Variants in KMT2D observed in about 807,000 individuals in gnomAD.
The protein encoded by KMT2D is lysine methyltransferase 2D.
A neutral mutation model predicts 512.7 loss-of-function variants in KMT2D; 55 were observed. The observed-to-expected ratio is 0.11, with a 90% CI of 0.09 to 0.13. The LOEUF is 0.13. Ranked by LOEUF, KMT2D falls within the 10% of genes least tolerant of loss-of-function variation. KMT2D has a pLI of 1.00. For missense variants in KMT2D, 6,061 were observed against 7,127.9 expected, an observed-to-expected ratio of 0.85 and a Z score of 5.39; for synonymous variants, 2,995 against 2,904.0, an observed-to-expected ratio of 1.03 and a Z score of -1.01.
At position 49,027,867 on chromosome 12, in the gene KMT2D, A is replaced by G. The variant is rs776481801; in HGVS notation, c.14579T>C (p.Phe4860Ser). 6.2e-7 allele frequency: 1 copy of G among 1,611,422 alleles called. No homozygotes were observed. The highest frequency in any genetic ancestry group is 1.7e-5 in the Admixed American group (1 of 59,624). The change falls in exon 48 of 55, where the codon TTT becomes TCT. Residue 4860 changes from phenylalanine (F) to serine (S), a missense_variant. Physicochemically the swap from Phe to Ser is radical, Grantham distance 155. This residue lies in a region of KMT2D where 1,600 missense variants were observed against 1,754.9 expected (regional missense o/e 0.91). Transcript: ENST00000301067. ...GGTATAGCCAGGCAACACTGCATCA[A>G]ACTGCTTCAGCCAATCAGGGCCAGT... is the stretch of plus-strand genomic sequence containing the variant. Reference protein sequence around the residue: ...PDTGPDWLKQFDAVLPGYTLK... With the variant: ...PDTGPDWLKQSDAVLPGYTLK...
chr12:49,042,189 A>C lies in KMT2D; in HGVS notation c.6009T>G (p.Leu2003=), dbSNP rs774416468. Residue 2003 remains leucine (L), a synonymous_variant, in exon 29 of 55, where the codon CTT becomes CTG. Transcript: ENST00000301067. The surrounding 1 kb of genome is among the most constrained non-coding windows in gnomAD (Gnocchi z 4.4). ...ACTCCTCATCCTTCTCCCAGCGCTGAAGACTCCGCTGGTTATAGGAGAGTC... is the reference window on the plus strand; with the variant it reads ...ACTCCTCATCCTTCTCCCAGCGCTGCAGACTCCGCTGGTTATAGGAGAGTC... ...GDGLSYNQRS[L]QRWEKDEELG... The C allele has an allele frequency of 4.3e-6, 7 of 1,610,806 alleles. No homozygotes were observed. The South Asian group carries it at 7.8e-5, about 18-fold the overall frequency.
rs2120523736 is a variant in KMT2D at position 49,040,191 on chromosome 12, A to G, written c.7579T>C (p.Phe2527Leu). ...CGCATGGGAGAGGGGGTGCCCACAA[A>G]TGCACCCGTCCCAGGGGACCGGACA... ...NFVRSPGTGA[F>L]VGTPSPMRFT... Residue 2527 changes from phenylalanine (F) to leucine (L), a missense_variant, in exon 32 of 55, where the codon TTT becomes CTT. Transcript: ENST00000301067. 1 of 1,613,524 alleles carries G rather than the reference A, an allele frequency of 6.2e-7. No homozygotes were observed. The highest frequency in any genetic ancestry group is 8.5e-7 in the Non-Finnish European group (1 of 1,179,720).
rs761231743 is a variant in KMT2D, at chr12:49,055,391, C to T, written c.-37-30G>A. On this transcript the variant is annotated intron_variant, in intron 1 of 54. Transcript: ENST00000301067. ...TGGTGCCAAGAAAGAGATCTATATG[C>T]CTACTAAGTCTTCCCAAGAAGCATT... 28 of 1,419,934 alleles carry T rather than the reference C, an allele frequency of 2.0e-5. No homozygotes were observed. The South Asian group carries it at 3.1e-4, about 15-fold the overall frequency. The allele number at this position is 1,419,934 out of a possible 1,614,324, so 88.0% of individuals were successfully genotyped here. A position where few individuals can be genotyped will look rare whatever the true frequency, so the allele number is the denominator to read the frequency against.
In KMT2D at chr12:49,024,459, G is replaced by A. The variant is rs1469402044; in HGVS notation, c.16052+119C>T. The A allele has an allele frequency of 5.2e-6, 7 of 1,334,372 alleles. No homozygotes were observed. The highest frequency in any genetic ancestry group is 1.5e-5 in the African/African-American group (1 of 67,724). The allele number at this position is 1,334,372 out of a possible 1,614,324, so 82.7% of individuals were successfully genotyped here. A position where few individuals can be genotyped will look rare whatever the true frequency, so the allele number is the denominator to read the frequency against. Reference sequence around the variant, plus strand: ...TGCCCTCTAATTAGGAAGTCTAAGAGTGATTCCCCATTTTCTCCACGGGAA... The same window carrying A: ...TGCCCTCTAATTAGGAAGTCTAAGAATGATTCCCCATTTTCTCCACGGGAA... On this transcript the variant is annotated intron_variant, in intron 51 of 54. Coordinates refer to ENST00000301067, the MANE Select transcript of KMT2D (RefSeq NM_003482.4). The surrounding 1 kb of genome is among the most constrained non-coding windows in gnomAD (Gnocchi z 4.5).
In KMT2D at chr12:49,019,108, A is replaced by T; in HGVS notation, c.*2672T>A. 2 of 1,183,584 alleles carry T rather than the reference A, an allele frequency of 1.7e-6. No individual in the cohort carries two copies. The highest frequency in any genetic ancestry group is 2.5e-5 in the South Asian group (1 of 39,740). 73.3% of individuals were successfully genotyped at this position (1,183,584 alleles called of 1,614,324 possible). Reference sequence around the variant, plus strand: ...AATGATCGCTGATACAAAACATGCCAAGGACAGGGGCGCTGAGGGTGGAGG... The same window carrying T: ...AATGATCGCTGATACAAAACATGCCTAGGACAGGGGCGCTGAGGGTGGAGG... On this transcript the variant is annotated 3_prime_UTR_variant, in exon 55 of 55. Transcript: ENST00000301067.
chr12:49,030,321 T>C lies in KMT2D; in HGVS notation c.13958A>G (p.Lys4653Arg). 6.2e-7 allele frequency: 1 copy of C among 1,603,472 alleles called. No homozygotes were observed. ...TPSEELGEHP[K>R]DAASARDSER... ...ACTATCCCGGGCAGAGGCAGCATCCTTGGGGTGCTCCCCCAGCTCTTCAGA... is the reference window on the plus strand; with the variant it reads ...ACTATCCCGGGCAGAGGCAGCATCCCTGGGGTGCTCCCCCAGCTCTTCAGA... Residue 4653 changes from lysine (K) to arginine (R), a missense_variant, in exon 43 of 55, where the codon AAG (lysine) becomes AGG (arginine). Physicochemically the swap from Lys to Arg is conservative, Grantham distance 26 (BLOSUM62 2). Coordinates refer to ENST00000301067, the MANE Select transcript of KMT2D (RefSeq NM_003482.4).
chr12:49,031,824 C>T lies in KMT2D; in HGVS notation c.12881G>A (p.Gly4294Glu). 6 of 1,563,496 alleles carry T rather than the reference C, an allele frequency of 3.8e-6. No homozygotes were observed. In the South Asian group the frequency reaches 7.2e-5, roughly 19 times the overall value. ...AAGGACTGGTCCTGTAGATAAGGCT[C>T]CTGGTGGGGCAGGGAGCCGGGGTGG... Reference protein sequence around the residue: ...QGPPRLPAPPGALSTGPVLGP... With the variant: ...QGPPRLPAPPEALSTGPVLGP... The change falls in exon 40 of 55, where the codon GGA (glycine) becomes GAA (glutamate). Residue 4294 changes from glycine (G) to glutamate (E), a missense_variant. By Grantham distance (98) the Gly-to-Glu change is moderately conservative. This residue lies in a region of KMT2D where 1,600 missense variants were observed against 1,754.9 expected (regional missense o/e 0.91). Coordinates refer to ENST00000301067, the MANE Select transcript of KMT2D (RefSeq NM_003482.4).
At chr12:49,035,321 A>C (rs1381606622) in intron 35 of KMT2D, among the ~76,000 whole-genome samples, 3 of 152,202 alleles carry the variant, frequency 2.0e-5, no homozygotes, top group Non-Finnish European at 4.4e-5. Flanking sequence ...CTTCAAAGGT[A>C]ATGTTCTTAG....
rs1943029611 is a variant in KMT2D at position 49,033,078 on chromosome 12, A to C, written c.11627T>G (p.Leu3876Arg). ...QQGSMAGLSH[L>R]QQSLMSHSGQ... ...ACTGTGTGACATCAGACTCTGCTGA[A>C]GATGGGACAGCCCTGCCATGGACCC... Residue 3876 changes from leucine (L) to arginine (R), a missense_variant, in exon 40 of 55, where the codon CTT becomes CGT. By Grantham distance (102) the Leu-to-Arg change is moderately radical. This residue lies in a region of KMT2D where 1,600 missense variants were observed against 1,754.9 expected (regional missense o/e 0.91). Coordinates refer to ENST00000301067, the MANE Select transcript of KMT2D (RefSeq NM_003482.4). The C allele has an allele frequency of 2.6e-6, 4 of 1,551,384 alleles. No individual in the cohort carries two copies. Among genetic ancestry groups the C allele is most frequent in the Non-Finnish European group, 3.5e-6 (4 of 1,146,908 alleles).
intron 14 of KMT2D, 78 bp from the exon 15 acceptor site, chr12:49,048,147 A>G (rs1937669478): frequency 1.0e-6 from 1 of 978,992 alleles, no homozygotes; most frequent in East Asian, 2.4e-5. Flanking sequence ...ATGACGCTAC[A>G]ACACTGATTT....
In KMT2D at chr12:49,037,745, G is replaced by A. The variant is rs1298038896; in HGVS notation, c.9611C>T (p.Pro3204Leu). The A allele has an allele frequency of 6.9e-6, 11 of 1,589,580 alleles. No homozygotes were observed. Among genetic ancestry groups the A allele is most frequent in the Middle Eastern group, 1.7e-4 (1 of 6,034 alleles). ...CTTTTCCAGCAGGGAGGATCCTCCTGGGCCACTCAGTGGGCTGGGGGTCAG... is the reference window on the plus strand; with the variant it reads ...CTTTTCCAGCAGGGAGGATCCTCCTAGGCCACTCAGTGGGCTGGGGGTCAG... ...HLLTPSPLSGPGGSSLLEKFE... is the reference protein window; with the variant it reads ...HLLTPSPLSGLGGSSLLEKFE... The change falls in exon 35 of 55, where the codon CCA becomes CTA. Residue 3204 changes from proline (P) to leucine (L), a missense_variant. By Grantham distance (98) the Pro-to-Leu change is moderately conservative (BLOSUM62 -3). Coordinates refer to ENST00000301067, the MANE Select transcript of KMT2D (RefSeq NM_003482.4).
rs2137705660 is a variant in KMT2D at position 49,022,510 on chromosome 12, C to T, written c.16338+80G>A. The stretch of plus-strand genomic sequence containing the variant: ...TCTCCCCACCACAGCTTTCCTCCTG[C>T]TCTCCTGTGACCAATCCTGCCCTTG... On this transcript the variant is annotated intron_variant, in intron 52 of 54. Coordinates refer to ENST00000301067, the MANE Select transcript of KMT2D (RefSeq NM_003482.4). The surrounding 1 kb of genome is among the most constrained non-coding windows in gnomAD (Gnocchi z 8.6). 1.9e-6 allele frequency: 3 copies of T among 1,553,224 alleles called. No individual in the cohort carries two copies. The Admixed American group carries it at 5.2e-5, about 27-fold the overall frequency.
At chr12:49,047,579 A>G (rs1233865005) in intron 15 of KMT2D, among the ~76,000 whole-genome samples, 1 of 99,594 alleles carries the variant, frequency 1.0e-5, no homozygotes, top group Non-Finnish European at 2.0e-5. Flanking sequence ...TACCACACTC[A>G]GCTAATTTTT....
rs200639395 is a variant in KMT2D at position 49,033,392 on chromosome 12, G to A, written c.11313C>T (p.Pro3771=). The A allele has an allele frequency of 1.3e-6, 2 of 1,572,856 alleles. No homozygotes were observed. Among genetic ancestry groups the A allele is most frequent in the South Asian group, 1.2e-5 (1 of 86,564 alleles). Residue 3771 remains proline, a synonymous_variant, in exon 40 of 55, where the codon CCC becomes CCT. Coordinates refer to ENST00000301067, the MANE Select transcript of KMT2D (RefSeq NM_003482.4). ...TGGGAGGCATAAGGCCCTGGGGCTT[G>A]GGACCCAGAGCTTGGTTTGTCTGTA... ...PGVQTNQALG[P]KPQGLMPPSS...
rs1275494579 is a variant in KMT2D at position 49,038,389 on chromosome 12, C to A, written c.8967G>T (p.Glu2989Asp). 1.2e-6 allele frequency: 2 copies of A among 1,613,904 alleles called. No individual in the cohort carries two copies. Among genetic ancestry groups the A allele is most frequent in the Non-Finnish European group, 1.7e-6 (2 of 1,179,854 alleles). The part of the protein sequence containing the change: ...LALEAGKLPC[E>D]DPELDDDFDA... ...CAAAATCGTCATCCAGCTCGGGATCCTCACAGGGCAACTTCCCAGCTTCCA... is the reference window on the plus strand; with the variant it reads ...CAAAATCGTCATCCAGCTCGGGATCATCACAGGGCAACTTCCCAGCTTCCA... Residue 2989 changes from glutamate to aspartate, a missense_variant, in exon 35 of 55, where the codon GAG becomes GAT. Around this residue, in one of 16 missense-constraint regions of KMT2D, gnomAD observed 527 missense variants for 578.9 expected, o/e 0.91. Transcript: ENST00000301067. This position sits in a 1 kb window ranked among gnomAD's most constrained non-coding sequence, Gnocchi z 5.7.
In KMT2D at chr12:49,039,843, C is replaced by T. The variant is rs1943410490; in HGVS notation, c.7927G>A (p.Glu2643Lys). ...SQRSGITSPV[E>K]KREDPGTGMG... ...CCAGTCCCTGGGTCTTCTCGCTTTTCGACAGGAGAGGTGATGCCTGATCGC... is the reference window on the plus strand; with the variant it reads ...CCAGTCCCTGGGTCTTCTCGCTTTTTGACAGGAGAGGTGATGCCTGATCGC... The change falls in exon 32 of 55, where the codon GAA becomes AAA. Residue 2643 changes from glutamate to lysine, a missense_variant. By Grantham distance (56) the Glu-to-Lys change is moderately conservative. This residue lies in a region of KMT2D where 527 missense variants were observed against 578.9 expected (regional missense o/e 0.91). Coordinates refer to ENST00000301067, the MANE Select transcript of KMT2D (RefSeq NM_003482.4). This position sits in a 1 kb window ranked among gnomAD's most constrained non-coding sequence, Gnocchi z 5.0. 2 of 1,614,020 alleles carry T rather than the reference C, an allele frequency of 1.2e-6. No individual in the cohort carries two copies. The highest frequency in any genetic ancestry group is 1.3e-5 in the African/African-American group (1 of 75,066).
At chr12:49,045,518 C>G (rs902319504) in intron 19 of KMT2D, among the ~76,000 whole-genome samples, 4 of 151,988 alleles carry the variant, frequency 2.6e-5, no homozygotes, top group South Asian at 4.1e-4. Flanking sequence ...GTGGCGGGCA[C>G]CTGTAGTCCC....
In KMT2D at chr12:49,040,681, TGGA is replaced by T. The variant is rs758375281; in HGVS notation, c.7086_7088del (p.Pro2363del). 1.2e-6 allele frequency: 2 copies of T among 1,613,180 alleles called. No individual in the cohort carries two copies. Among genetic ancestry groups the T allele is most frequent in the African/African-American group, 1.3e-5 (1 of 74,670 alleles). On this transcript the variant is annotated inframe_deletion, in exon 32 of 55. Transcript: ENST00000301067. ...CAGGGCGAAAGATGTCTGGGTGACT[TGGA>T]GGAGAAGGTGCCAAAGCCTGGGCAG... is the stretch of plus-strand genomic sequence containing the variant.
At chr12:49,035,034 G>T (rs757113522) in intron 35 of KMT2D, 99 bp from the exon 36 acceptor site, 2 of 1,450,232 alleles carry the variant, frequency 1.4e-6, no homozygotes, top group Middle Eastern at 1.8e-4. Flanking sequence ...ACGCCAGGCA[G>T]AACAATGGCA....
Sources: allele counts gnomAD v4.1 joint callset (sites outside exome capture counted in the v4.1 genomes callset), GRCh38; gene constraint gnomAD v4.1.1; regional missense constraint gnomAD v4.1.1; non-coding constraint Gnocchi (gnomAD v3.1); transcripts MANE v1.5; gene names NCBI Gene and HGNC (gene_info 2026-07-23, HGNC 2026-07-21).